Variants in AFAP1 observed in about 807,000 individuals in gnomAD.
The protein encoded by AFAP1 is actin filament-associated protein 1.
AFAP1 carries 75 observed loss-of-function variants against 93.9 expected under a neutral mutation model. The ratio of observed to expected loss-of-function variants is 0.80; its 90% confidence interval spans 0.66 to 0.97. The LOEUF (loss-of-function observed/expected upper bound fraction) is 0.97, where lower values mean the gene tolerates loss of function less well. Among genes scored for constraint, AFAP1 ranks in the 50% least tolerant of loss-of-function variants. The pLI is 0.00. For synonymous variants in AFAP1, 517 were observed against 430.7 expected (o/e 1.20, Z -2.48); for missense variants, 1,201 against 1,050.8 (o/e 1.14, Z -1.98).
chr4:7,815,664 C>T (rs542900575), intron 8 of AFAP1, among the ~76,000 whole-genome samples: 4 of 152,136 alleles, frequency 2.6e-5, no homozygotes, highest in Non-Finnish European at 4.4e-5. Context: ...GACACCAGGT[C>T]CCTAAGCAAC....
chr4:7,875,177 G>A (rs1404767338), intron 1 of AFAP1, among the ~76,000 whole-genome samples: 4 of 152,168 alleles, frequency 2.6e-5, no homozygotes, highest in Non-Finnish European at 2.9e-5. Flanking sequence ...AGAGCTGCTC[G>A]TCTGTGGGAT....
At chr4:7,840,280 GTGTGTGTT>G (rs1712847727) in intron 5 of AFAP1, among the ~76,000 whole-genome samples, 8 of 130,558 alleles carry the variant, frequency 6.1e-5, no homozygotes, top group South Asian at 4.6e-4. Flanking sequence ...GTGTGTGTGT[GTGTGTGTT>G]CCTGGTTTGT....
At chr4:7,854,162 C>T (rs1356064897) in intron 4 of AFAP1, among the ~76,000 whole-genome samples, 5 of 152,188 alleles carry the variant, frequency 3.3e-5, no homozygotes. Flanking sequence ...AACCCAATGA[C>T]GTTCTGAGTT....
intron 9 of AFAP1, 95 bp from the exon 10 acceptor site, chr4:7,800,748 G>A: frequency 1.6e-6 from 2 of 1,215,238 alleles, no homozygotes; most frequent in South Asian, 1.3e-5. Context: ...AGGGATGGGA[G>A]TGTGGATAAA....
At chr4:7,763,887 G>A (rs1001450100) in intron 17 of AFAP1, 96 bp from the exon 18 acceptor site, 7 of 1,254,402 alleles carry the variant, frequency 5.6e-6, no homozygotes, top group African/African-American at 1.5e-5. Context: ...GGGGGTGGGT[G>A]CTCGGCTACT....
At chr4:7,820,503 G>A (rs538255233) in intron 6 of AFAP1, among the ~76,000 whole-genome samples, 1 of 152,186 alleles carries the variant, frequency 6.6e-6, no homozygotes, top group South Asian at 2.1e-4. Context: ...GAGAGAAGCT[G>A]GTAAAAGATG....
chr4:7,854,517 C>T (rs778789244), intron 4 of AFAP1, among the ~76,000 whole-genome samples: 13 of 152,148 alleles, frequency 8.5e-5, no homozygotes, highest in Non-Finnish European at 1.5e-4. Context: ...GTGGAATAGC[C>T]GCGCTCGTAG....
intron 4 of AFAP1, among the ~76,000 whole-genome samples, chr4:7,848,830 C>G (rs1359663549): frequency 6.6e-6 from 1 of 152,192 alleles, no homozygotes; most frequent in Non-Finnish European, 1.5e-5. Context: ...GCAGGAATTG[C>G]TATCATAGTG....
chr4:7,879,537 C>T lies in AFAP1; in HGVS notation c.-2-7457G>A, dbSNP rs190646484. Among the ~76,000 whole-genome samples, 36 of 152,176 alleles carry T rather than the reference C, an allele frequency of 2.4e-4. No individual in the cohort carries two copies. In the East Asian group the frequency reaches 5.8e-3, roughly 25 times the overall value. On this transcript the variant is annotated intron_variant, in intron 1 of 17. Transcript: ENST00000420658. ...AGAAGAAAAAATCTTCCCCAAACAC[C>T]GACACCAAACAAAAGATCTGACCAC...
In AFAP1 at chr4:7,795,670, C is replaced by A. The variant is rs139441482; in HGVS notation, c.1267-1844G>T. Among the ~76,000 whole-genome samples the A allele has an allele frequency of 5.9e-4, 90 of 151,974 alleles. No homozygotes were observed. The East Asian group carries it at 0.014, about 23-fold the overall frequency. ...TCGATCTCCTGACCTTGTGATCTGC[C>A]CACCTCGGCCTCCCAAAGTGCTGGG... On this transcript the variant is annotated intron_variant, in intron 10 of 17. Transcript: ENST00000420658.
intron 8 of AFAP1, among the ~76,000 whole-genome samples, chr4:7,814,362 A>T (rs1720291729): frequency 6.6e-6 from 1 of 152,250 alleles, no homozygotes; most frequent in African/African-American, 2.4e-5. Context: ...AGAACAAAAC[A>T]AAAGTGACAA....
chr4:7,841,562 G>A (rs1448659224), intron 5 of AFAP1, among the ~76,000 whole-genome samples: 1 of 152,208 alleles, frequency 6.6e-6, no homozygotes, highest in Non-Finnish European at 1.5e-5. Flanking sequence ...GAACATTTAG[G>A]GGAAGAACAT....
chr4:7,844,584 A>G (rs1275026646), intron 4 of AFAP1, among the ~76,000 whole-genome samples: 1 of 152,256 alleles, frequency 6.6e-6, no homozygotes, highest in Non-Finnish European at 1.5e-5. Context: ...CCCCCTGAAG[A>G]AAAGGAGACC....
chr4:7,778,735 A>G, intron 14 of AFAP1, 27 bp downstream of exon 14: 1 of 1,603,738 alleles, frequency 6.2e-7, no homozygotes, highest in Non-Finnish European at 8.5e-7. Context: ...TGAAGCCGGA[A>G]TGCAAGACAT....
intron 1 of AFAP1, among the ~76,000 whole-genome samples, chr4:7,908,404 T>C (rs1719550898): frequency 1.3e-5 from 2 of 152,148 alleles, no homozygotes; most frequent in South Asian, 2.1e-4. Context: ...CACTTTTCTG[T>C]CCCCAATGTC....
At chr4:7,799,771 A>T (rs1718847619) in intron 10 of AFAP1, among the ~76,000 whole-genome samples, 1 of 152,224 alleles carries the variant, frequency 6.6e-6, no homozygotes, top group South Asian at 2.1e-4. Context: ...ATGAAAAATT[A>T]AAAACTTTCA....
intron 1 of AFAP1, among the ~76,000 whole-genome samples, chr4:7,909,541 G>C (rs1243720368): frequency 1.3e-5 from 2 of 152,188 alleles, no homozygotes; most frequent in African/African-American, 2.4e-5. Flanking sequence ...TCGGAATAGA[G>C]TGAATAACCG....
chr4:7,821,865 C>A (rs35161247), intron 6 of AFAP1, among the ~76,000 whole-genome samples: 31,070 of 152,026 alleles, frequency 0.2, 4,166 homozygotes, highest in Non-Finnish European at 0.3. Flanking sequence ...GAAAAAACAA[C>A]AGAGTGATGT....
rs966373650 is a variant in AFAP1, at chr4:7,782,826, T to C, written c.1531-1199A>G. Among the ~76,000 whole-genome samples the C allele has an allele frequency of 3.3e-5, 5 of 152,376 alleles. No homozygotes were observed. The East Asian group carries it at 9.6e-4, about 29-fold the overall frequency. On this transcript the variant is annotated intron_variant, in intron 12 of 17. Transcript: ENST00000420658. ...CTGTATTCCTCCGCAATCACTTCAA[T>C]GTGTCTATTTTTGTGATCTAAAAAT...
Sources: allele counts gnomAD v4.1 joint callset (sites outside exome capture counted in the v4.1 genomes callset), GRCh38; gene constraint gnomAD v4.1.1; transcripts MANE v1.5; gene names NCBI Gene and HGNC (gene_info 2026-07-23, HGNC 2026-07-21).